The following RERE variants were observed in gnomAD, a reference collection of about 807,000 sequenced individuals.
RERE encodes arginine-glutamic acid dipeptide repeats.
Under a neutral mutation model 146.1 loss-of-function variants are expected in RERE, and 40 were observed. The observed-to-expected ratio is 0.27, with a 90% CI of 0.21 to 0.36. RERE has a LOEUF of 0.36. Ranked by LOEUF, RERE falls within the 10% of genes least tolerant of loss-of-function variation. The pLI is 1.00. For missense variants in RERE, 1,933 were observed against 2,138.7 expected (o/e 0.90, Z 1.90); for synonymous variants, 1,003 against 866.0 (o/e 1.16, Z -2.78).
At chr1:8,748,161 C>A (rs1640461187) in intron 1 of RERE, among the ~76,000 whole-genome samples, 1 of 152,140 alleles carries the variant, frequency 6.6e-6, no homozygotes, top group South Asian at 2.1e-4. Context: ...GAGAGAAACA[C>A]CCTTATTTAC....
At chr1:8,381,988 G>A (rs543258964) in intron 12 of RERE, among the ~76,000 whole-genome samples, 2 of 152,318 alleles carry the variant, frequency 1.3e-5, no homozygotes, top group African/African-American at 2.4e-5. Context: ...CTCATTTCAC[G>A]CTGTGAGAAT....
intron 10 of RERE, among the ~76,000 whole-genome samples, chr1:8,485,380 TA>T (rs1378282885): frequency 1.3e-5 from 2 of 151,988 alleles, no homozygotes; most frequent in Admixed American, 6.6e-5. Flanking sequence ...GACATACGGC[TA>T]AAGTTTTATA....
intron 4 of RERE, among the ~76,000 whole-genome samples, chr1:8,560,505 A>G (rs1646065088): frequency 1.3e-5 from 2 of 152,198 alleles, no homozygotes; most frequent in Admixed American, 1.3e-4. Context: ...AGAAGATGGG[A>G]AGGCCTGTGG....
chr1:8,602,236 A>G (rs1454644829), intron 4 of RERE, among the ~76,000 whole-genome samples: 1 of 151,906 alleles, frequency 6.6e-6, no homozygotes, highest in Non-Finnish European at 1.5e-5. Flanking sequence ...TAAAAATACA[A>G]AAAAATCAGC....
intron 11 of RERE, among the ~76,000 whole-genome samples, chr1:8,436,740 C>G (rs1195496999): frequency 6.6e-6 from 1 of 152,116 alleles, no homozygotes; most frequent in Non-Finnish European, 1.5e-5. Flanking sequence ...CTAAAAAGAT[C>G]AAAAATATTA....
At chr1:8,770,849 T>C (rs1412941621) in intron 1 of RERE, among the ~76,000 whole-genome samples, 1 of 152,184 alleles carries the variant, frequency 6.6e-6, no homozygotes, top group Non-Finnish European at 1.5e-5. Context: ...TGCAGCATCG[T>C]TCATAATAGC....
At chr1:8,486,725 T>A (rs1383859757) in intron 10 of RERE, among the ~76,000 whole-genome samples, 1 of 128,566 alleles carries the variant, frequency 7.8e-6, no homozygotes, top group Non-Finnish European at 1.6e-5. Flanking sequence ...AGGAAACAAA[T>A]TACCAGCCTT....
At chr1:8,780,284 G>A (rs1641141110) in intron 1 of RERE, among the ~76,000 whole-genome samples, 1 of 152,104 alleles carries the variant, frequency 6.6e-6, no homozygotes. Flanking sequence ...GACTGGCTTT[G>A]GGTAGACATT....
chr1:8,729,532 T>TA (rs1640041229), intron 1 of RERE, among the ~76,000 whole-genome samples: 1 of 152,144 alleles, frequency 6.6e-6, no homozygotes, highest in Non-Finnish European at 1.5e-5. Context: ...CTTATTTTTT[T>TA]ATGTGTATTT....
chr1:8,461,126 A>C (rs1009322703), intron 11 of RERE, among the ~76,000 whole-genome samples: 3 of 152,184 alleles, frequency 2.0e-5, no homozygotes, highest in Non-Finnish European at 2.9e-5. Context: ...GATTAGGTGC[A>C]GTTCAGCCTG....
intron 7 of RERE, among the ~76,000 whole-genome samples, chr1:8,509,567 G>C (rs1355938796): frequency 6.6e-6 from 1 of 152,174 alleles, no homozygotes; most frequent in Non-Finnish European, 1.5e-5. Context: ...TAGCACTTTG[G>C]GAGGCTAAGG....
chr1:8,467,249 G>A (rs1359209812), intron 10 of RERE, among the ~76,000 whole-genome samples: 1 of 152,208 alleles, frequency 6.6e-6, no homozygotes. Flanking sequence ...TTCAGGTCAA[G>A]TAAAGCTGAA....
chr1:8,463,094 C>A (rs963166468), intron 11 of RERE, among the ~76,000 whole-genome samples: 3 of 152,012 alleles, frequency 2.0e-5, no homozygotes, highest in African/African-American at 4.8e-5. Context: ...CAAAGCCAGG[C>A]GAGGGTAAAG....
intron 3 of RERE, among the ~76,000 whole-genome samples, chr1:8,620,486 G>A (rs1400478312): frequency 1.3e-5 from 2 of 151,958 alleles, no homozygotes; most frequent in Non-Finnish European, 1.5e-5. Flanking sequence ...ATATATTAGG[G>A]GTAATTCTTG....
chr1:8,485,498 G>A (rs1293289470), intron 10 of RERE, among the ~76,000 whole-genome samples: 1 of 151,862 alleles, frequency 6.6e-6, no homozygotes, highest in East Asian at 1.9e-4. Flanking sequence ...AAGAATACAG[G>A]AGATGTTACC....
rs1259758661 is a variant in RERE at position 8,719,437 on chromosome 1, G to C, written c.-144-62996C>G. ...ATTATTAAATATCCAAAAGGATCCA[G>C]GGTGTATTAGAAACAAAGGAGGGGG... On this transcript the variant is annotated intron_variant, in intron 1 of 22. Transcript: ENST00000400908. Among the ~76,000 whole-genome samples the C allele has an allele frequency of 2.6e-5, 4 of 152,134 alleles. No individual in the cohort carries two copies. The East Asian group carries it at 7.7e-4, about 29-fold the overall frequency.
intron 12 of RERE, among the ~76,000 whole-genome samples, chr1:8,397,436 C>A (rs1643093823): frequency 6.8e-6 from 1 of 147,216 alleles, no homozygotes; most frequent in Admixed American, 6.6e-5. Flanking sequence ...GAGACTTACC[C>A]CAAACCCCCA....
At chr1:8,610,799 G>A (rs1165376834) in intron 4 of RERE, among the ~76,000 whole-genome samples, 3 of 151,300 alleles carry the variant, frequency 2.0e-5, no homozygotes, top group Non-Finnish European at 4.4e-5. Context: ...AAAACTAAGA[G>A]TTAGAAAGGT....
At chr1:8,498,932 C>A (rs944247716) in intron 8 of RERE, among the ~76,000 whole-genome samples, 1 of 151,862 alleles carries the variant, frequency 6.6e-6, no homozygotes, top group Non-Finnish European at 1.5e-5. Flanking sequence ...ACATAAGATA[C>A]GAACAATTCG....
Sources: allele counts gnomAD v4.1 joint callset (sites outside exome capture counted in the v4.1 genomes callset), GRCh38; gene constraint gnomAD v4.1.1; transcripts MANE v1.5; gene names NCBI Gene and HGNC (gene_info 2026-07-23, HGNC 2026-07-21).